Variants in CEP112 observed in about 807,000 individuals in gnomAD.
The protein encoded by CEP112 is centrosomal protein of 112 kDa.
A neutral mutation model predicts 153.0 loss-of-function variants in CEP112; 127 were observed. That is an observed-to-expected ratio of 0.83 (90% CI 0.72 to 0.96). The LOEUF (loss-of-function observed/expected upper bound fraction) is 0.96. Among genes scored for constraint, CEP112 ranks in the 40% least tolerant of loss-of-function variants. The pLI is 0.00. For synonymous variants in CEP112, 358 were observed against 374.4 expected (o/e 0.96, Z 0.51); for missense variants, 1,089 against 1,101.2 (o/e 0.99, Z 0.16).
intron 21 of CEP112, among the ~76,000 whole-genome samples, chr17:65,840,736 G>C (rs535664993): frequency 2.6e-5 from 4 of 152,106 alleles, no homozygotes; most frequent in African/African-American, 9.6e-5. Flanking sequence ...AAAGAAATGA[G>C]AGAACATATT....
intron 17 of CEP112, among the ~76,000 whole-genome samples, chr17:65,971,756 T>G (rs2062845838): frequency 1.3e-5 from 2 of 152,078 alleles, no homozygotes; most frequent in South Asian, 4.1e-4. Flanking sequence ...ACAACACTAA[T>G]CAAAAGAAAG....
At chr17:65,801,143 C>A (rs1378410988) in intron 21 of CEP112, among the ~76,000 whole-genome samples, 1 of 152,180 alleles carries the variant, frequency 6.6e-6, no homozygotes, top group Non-Finnish European at 1.5e-5. Context: ...ACTGCAACCT[C>A]TGCCTCCTGG....
chr17:65,924,091 C>G (rs1047873048), intron 19 of CEP112, among the ~76,000 whole-genome samples: 1 of 152,140 alleles, frequency 6.6e-6, no homozygotes, highest in Non-Finnish European at 1.5e-5. Context: ...ATTCTCCTGC[C>G]TCAGCCTCTC....
intron 6 of CEP112, among the ~76,000 whole-genome samples, chr17:66,102,654 C>T (rs776508906): frequency 7.3e-5 from 11 of 151,080 alleles, no homozygotes; most frequent in Non-Finnish European, 1.5e-4. Flanking sequence ...AAAAATTAGT[C>T]GGGTGTGGTG....
intron 12 of CEP112, among the ~76,000 whole-genome samples, chr17:66,049,807 G>A (rs1370157796): frequency 6.6e-6 from 1 of 151,902 alleles, no homozygotes; most frequent in Non-Finnish European, 1.5e-5. Context: ...AATAATCACT[G>A]AAATAAAAAG....
intron 21 of CEP112, among the ~76,000 whole-genome samples, chr17:65,836,501 T>C (rs974011594): frequency 6.6e-6 from 1 of 152,166 alleles, no homozygotes; most frequent in Non-Finnish European, 1.5e-5. Context: ...TACACTTATA[T>C]TAGTTTATGT....
In CEP112 at chr17:65,650,730, T is replaced by TAAA. The variant is rs71361240; in HGVS notation, c.2698-9668_2698-9666dup. Among the ~76,000 whole-genome samples the TAAA allele has an allele frequency of 6.6e-3, 291 of 43,860 alleles. 4 individuals are homozygous for TAAA. Among genetic ancestry groups the TAAA allele is most frequent in the African/African-American group, 0.025 (234 of 9,480 alleles). 28.8% of individuals were successfully genotyped at this position (43,860 alleles called of 152,430 possible). On this transcript the variant is annotated intron_variant, in intron 24 of 26. Transcript: ENST00000535342. The stretch of plus-strand genomic sequence containing the variant: ...AGCCAACATGGTGAAAACTCTCTAC[T>TAAA]AAAAAAAAAAAAAAAAAAAAAAAAA...
At chr17:66,043,680 A>G (rs1684781065) in intron 12 of CEP112, among the ~76,000 whole-genome samples, 1 of 152,124 alleles carries the variant, frequency 6.6e-6, no homozygotes, top group African/African-American at 2.4e-5. Context: ...GGAAGCTATA[A>G]TTTTTATATT....
intron 23 of CEP112, among the ~76,000 whole-genome samples, chr17:65,700,428 T>C (rs2048573649): frequency 6.6e-6 from 1 of 152,020 alleles, no homozygotes; most frequent in African/African-American, 2.4e-5. Flanking sequence ...GTTTAGACAG[T>C]GAGAACTTCC....
At chr17:66,086,023 T>C (rs1435935093) in intron 8 of CEP112, among the ~76,000 whole-genome samples, 1 of 147,436 alleles carries the variant, frequency 6.8e-6, no homozygotes, top group African/African-American at 2.5e-5. Flanking sequence ...ATATACAGTA[T>C]ATGATCTAAT....
intron 23 of CEP112, among the ~76,000 whole-genome samples, chr17:65,721,231 C>T (rs2049867644): frequency 6.6e-6 from 1 of 152,094 alleles, no homozygotes; most frequent in Non-Finnish European, 1.5e-5. Flanking sequence ...AGGATGGTCT[C>T]GATCTCCTGA....
At chr17:66,132,972 G>A (rs1485668238) in intron 4 of CEP112, among the ~76,000 whole-genome samples, 1 of 152,118 alleles carries the variant, frequency 6.6e-6, no homozygotes, top group South Asian at 2.1e-4. Flanking sequence ...CTGGGAGGCA[G>A]AGGTTGCAGT....
At position 66,142,223 on chromosome 17, in the gene CEP112, T is replaced by C. The variant is rs559852875; in HGVS notation, c.471-9460A>G. ...TTAAAATTGGGTTGTTTTGGGGCAG[T>C]TGAGTTGAGTACTTTATATAGATTG... On this transcript the variant is annotated intron_variant, in intron 4 of 26. Coordinates refer to ENST00000535342, the MANE Select transcript of CEP112 (RefSeq NM_001199165.4). 3.3e-5 allele frequency among the ~76,000 whole-genome samples: 5 copies of C among 152,306 alleles called. No homozygotes were observed. The South Asian group carries it at 6.2e-4, about 19-fold the overall frequency.
chr17:66,073,873 C>A (rs2067388324), intron 8 of CEP112, among the ~76,000 whole-genome samples: 1 of 152,028 alleles, frequency 6.6e-6, no homozygotes, highest in Non-Finnish European at 1.5e-5. Flanking sequence ...AATCCAGAGT[C>A]CCTACAAGGT....
chr17:65,821,508 AT>A, intron 21 of CEP112, among the ~76,000 whole-genome samples: 1 of 115,568 alleles, frequency 8.7e-6, no homozygotes, highest in South Asian at 2.8e-4. Flanking sequence ...ATATATATAT[AT>A]ATAATTATAT....
intron 5 of CEP112, among the ~76,000 whole-genome samples, chr17:66,132,168 CAAAAAAAAAAAAAAAAAAAAAAA>C (rs56221578): frequency 7.5e-5 from 3 of 39,884 alleles, no homozygotes; most frequent in East Asian, 0.01. Context: ...GACTCCATCT[CAAAAAAAAAAAAAAAAAAAAAAA>C]AAAAAAAAAA....
chr17:65,637,127 C>T lies in CEP112; in HGVS notation c.2861G>A (p.Arg954Lys), dbSNP rs774027791. The T allele has an allele frequency of 3.1e-6, 5 of 1,613,448 alleles. No individual in the cohort carries two copies. The highest frequency in any genetic ancestry group is 3.4e-6 in the Non-Finnish European group (4 of 1,179,460). ...LQEELTTYQG[R>K]R The stretch of plus-strand genomic sequence containing the variant: ...GACACCTGCTTATGGGCTGTACCTT[C>T]TGCCTTGATATGTAGTCAGTTCTTC... The change falls in exon 26 of 27, where the codon AGA becomes AAA. Residue 954 changes from arginine to lysine, a missense_variant. Arg to Lys is a conservative substitution (Grantham distance 26). Transcript: ENST00000535342.
Position 66,165,464 on chromosome 17 carries a change from G to C in CEP112, c.470+9580C>G, listed in dbSNP as rs9911039. Among the ~76,000 whole-genome samples the C allele has an allele frequency of 8.9e-3, 1,359 of 152,246 alleles. 30 individuals carry two copies. The highest frequency in any genetic ancestry group is 0.031 in the African/African-American group (1,285 of 41,540). On this transcript the variant is annotated intron_variant, in intron 4 of 26. Coordinates refer to ENST00000535342, the MANE Select transcript of CEP112 (RefSeq NM_001199165.4). The stretch of plus-strand genomic sequence containing the variant: ...AGGGTTATTCACAAATAAAATGAAT[G>C]TACTTTTGGCAGGTAATATTTAAGA...
chr17:65,912,932 T>C (rs2060341925), intron 19 of CEP112, among the ~76,000 whole-genome samples: 1 of 152,162 alleles, frequency 6.6e-6, no homozygotes, highest in Non-Finnish European at 1.5e-5. Flanking sequence ...GGTGCAAAAG[T>C]AATTGTGGAA....
Sources: gnomAD v4.1 joint callset for allele counts (sites outside exome capture counted in the v4.1 genomes callset) on GRCh38, gnomAD v4.1.1 for gene constraint, MANE v1.5 for transcripts, NCBI Gene and HGNC (gene_info 2026-07-23, HGNC 2026-07-21) for gene names.